SLCO1B3: variants seen among roughly 807,000 people sequenced by gnomAD.
The protein encoded by SLCO1B3 is liver-specific organic anion transporter 2.
Under a neutral mutation model 71.8 loss-of-function variants are expected in SLCO1B3, and 72 were observed. That is an observed-to-expected ratio of 1.00 (90% CI 0.83 to 1.22). SLCO1B3 has a LOEUF of 1.22. SLCO1B3 is among the 50% of genes most tolerant of loss of function. The pLI is 0.00. For missense variants in SLCO1B3, 911 were observed against 819.7 expected, an observed-to-expected ratio of 1.11 and a Z score of -1.36; for synonymous variants, 298 against 278.4, an observed-to-expected ratio of 1.07 and a Z score of -0.70.
intron 8 of SLCO1B3, among the ~76,000 whole-genome samples, chr12:20,872,186 A>T (rs1019819061): frequency 6.6e-6 from 1 of 151,918 alleles, no homozygotes; most frequent in Non-Finnish European, 1.5e-5. Context: ...CCCAAGGAAG[A>T]TTCTGCCAGG....
chr12:20,906,551 C>G (rs1407050563), intron 15 of SLCO1B3, among the ~76,000 whole-genome samples: 2 of 152,044 alleles, frequency 1.3e-5, no homozygotes, highest in African/African-American at 4.8e-5. Context: ...TATACTAATA[C>G]AAGATATTAA....
chr12:20,874,505 T>G (rs1176812625), intron 8 of SLCO1B3, among the ~76,000 whole-genome samples: 2 of 152,204 alleles, frequency 1.3e-5, no homozygotes, highest in African/African-American at 2.4e-5. Flanking sequence ...ATCTTGCTGA[T>G]ATCTCATGGA....
Position 20,883,487 on chromosome 12 carries a change from G to T in SLCO1B3, c.1567G>T (p.Glu523Ter), listed in dbSNP as rs770910184. 6.3e-7 allele frequency: 1 copy of T among 1,596,726 alleles called. No homozygotes were observed. Among genetic ancestry groups the T allele is most frequent in the Admixed American group, 1.7e-5 (1 of 57,662 alleles). The change falls in exon 13 of 16, where the codon GAA becomes TAA. Residue 523 changes from glutamate (E) to a stop codon, truncating the protein, a stop_gained. Coordinates refer to ENST00000381545, the MANE Select transcript of SLCO1B3 (RefSeq NM_019844.4). LOFTEE classifies it high-confidence loss of function. ...CAGAAATTACTCAGCACACTTGGGT[G>T]AATGCCCAAGAGATAATACTTGTAC... ...QNRNYSAHLGECPRDNTCTRK... is the reference protein window; with the variant it reads ...QNRNYSAHLG
intron 13 of SLCO1B3, among the ~76,000 whole-genome samples, chr12:20,895,091 T>A (rs1191261978): frequency 6.6e-6 from 1 of 152,168 alleles, no homozygotes; most frequent in Non-Finnish European, 1.5e-5. Context: ...GATTCAATGA[T>A]CTCCCACTGG....
chr12:20,901,902 A>G (rs1866140439), intron 15 of SLCO1B3: 1 of 440,614 alleles, frequency 2.3e-6, no homozygotes, highest in African/African-American at 2.0e-5. Flanking sequence ...ATTCATAGGC[A>G]GAAGTATCCT....
At chr12:20,895,892 T>C (rs1364087707) in intron 13 of SLCO1B3, among the ~76,000 whole-genome samples, 1 of 152,214 alleles carries the variant, frequency 6.6e-6, no homozygotes, top group Non-Finnish European at 1.5e-5. Context: ...TTCTGAAATC[T>C]AGGCAGAGGT....
chr12:20,828,201 A>G (rs972191717), intron 3 of SLCO1B3, among the ~76,000 whole-genome samples: 3 of 151,880 alleles, frequency 2.0e-5, no homozygotes, highest in Non-Finnish European at 4.4e-5. Flanking sequence ...TAATGCTTTT[A>G]CGGTGCACTT....
chr12:20,842,996 T>C (rs1864834964), intron 3 of SLCO1B3, among the ~76,000 whole-genome samples: 1 of 152,170 alleles, frequency 6.6e-6, no homozygotes, highest in African/African-American at 2.4e-5. Flanking sequence ...TGTCCTGATC[T>C]CAGACTTTTC....
chr12:20,815,959 C>T (rs1266912042), intron 3 of SLCO1B3, 137 bp downstream of exon 3: 3 of 487,728 alleles, frequency 6.2e-6, no homozygotes, highest in Non-Finnish European at 1.1e-5. Flanking sequence ...AAAATATTAA[C>T]AAAATAATCC....
At chr12:20,870,406 C>G (rs1865454761) in intron 8 of SLCO1B3, among the ~76,000 whole-genome samples, 1 of 152,052 alleles carries the variant, frequency 6.6e-6, no homozygotes, top group Admixed American at 6.6e-5. Flanking sequence ...AAATTATTGT[C>G]AAGACAAATG....
chr12:20,818,798 C>G (rs190938249), intron 3 of SLCO1B3, among the ~76,000 whole-genome samples: 8 of 131,702 alleles, frequency 6.1e-5, no homozygotes, highest in African/African-American at 8.9e-5. Flanking sequence ...GAAACAGGGA[C>G]GAAGGAAATG....
intron 3 of SLCO1B3, among the ~76,000 whole-genome samples, chr12:20,836,521 A>G (rs1864682887): frequency 1.3e-5 from 2 of 152,180 alleles, no homozygotes; most frequent in South Asian, 4.1e-4. Flanking sequence ...AATAAGATAG[A>G]AAGTATTCCT....
intron 15 of SLCO1B3, among the ~76,000 whole-genome samples, chr12:20,909,323 G>T (rs558365478): frequency 7.7e-6 from 1 of 130,480 alleles, no homozygotes; most frequent in Non-Finnish European, 1.6e-5. Flanking sequence ...CCACCACCAC[G>T]CCTGGCTAAT....
chr12:20,904,643 A>G (rs1866199444), intron 15 of SLCO1B3, among the ~76,000 whole-genome samples: 1 of 151,732 alleles, frequency 6.6e-6, no homozygotes, highest in Admixed American at 6.6e-5. Context: ...TAGTGCCTCA[A>G]TGGGAACTCT....
At position 20,862,799 on chromosome 12, in the gene SLCO1B3, T is replaced by C. The variant is rs1865296936; in HGVS notation, c.672T>C (p.Phe224=). The change falls in exon 8 of 16, where the codon TTT becomes TTC. Residue 224 remains phenylalanine, a synonymous_variant. Coordinates refer to ENST00000381545, the MANE Select transcript of SLCO1B3 (RefSeq NM_019844.4). ...AIGMIGPVIG[F]ALGSLFAKMY... ...GAATGATTGGTCCAGTCATTGGCTT[T>C]GCACTGGGATCTCTGTTTGCTAAAA... 1 of 1,612,162 alleles carries C rather than the reference T, an allele frequency of 6.2e-7. No homozygotes were observed. The highest frequency in any genetic ancestry group is 1.7e-5 in the Admixed American group (1 of 59,976).
At chr12:20,851,792 T>C (rs1865028664) in intron 3 of SLCO1B3, among the ~76,000 whole-genome samples, 1 of 96,810 alleles carries the variant, frequency 1.0e-5, no homozygotes, top group Non-Finnish European at 2.1e-5. Flanking sequence ...TGTAAGGTCT[T>C]ACATTTAGGC....
intron 3 of SLCO1B3, among the ~76,000 whole-genome samples, chr12:20,830,190 T>A (rs1459245031): frequency 6.6e-6 from 1 of 152,196 alleles, no homozygotes; most frequent in Non-Finnish European, 1.5e-5. Context: ...AAGAGCCTTG[T>A]GAAAGGTTAG....
intron 13 of SLCO1B3, among the ~76,000 whole-genome samples, chr12:20,885,289 C>T (rs975754017): frequency 6.6e-6 from 1 of 152,066 alleles, no homozygotes; most frequent in African/African-American, 2.4e-5. Flanking sequence ...AAGGCTATTG[C>T]TAAAACTAGA....
chr12:20,877,693 T>C, intron 9 of SLCO1B3, 79 bp from the exon 10 acceptor site: 1 of 571,998 alleles, frequency 1.7e-6, no homozygotes, highest in Non-Finnish European at 2.6e-6. Flanking sequence ...ACTTTAAGTC[T>C]TATATAACTT....
Sources: allele counts gnomAD v4.1 joint callset (sites outside exome capture counted in the v4.1 genomes callset), GRCh38; gene constraint gnomAD v4.1.1; transcripts MANE v1.5; gene names NCBI Gene and HGNC (gene_info 2026-07-23, HGNC 2026-07-21).